Variants in GTF3C6 observed in about 807,000 individuals in gnomAD.
GTF3C6 encodes the protein general transcription factor IIIC subunit 6.
A neutral mutation model predicts 19.2 loss-of-function variants in GTF3C6; 11 were observed. That is an observed-to-expected ratio of 0.57 (90% CI 0.36 to 0.95). The LOEUF (loss-of-function observed/expected upper bound fraction) is 0.95. Ranked by LOEUF, GTF3C6 falls within the 40% of genes least tolerant of loss-of-function variation. The pLI is 0.01. For synonymous variants in GTF3C6, 87 were observed against 84.2 expected (o/e 1.03, Z -0.18); for missense variants, 222 against 254.7 (o/e 0.87, Z 0.87).
chr6:110,963,753 G>C (rs565823231), intron 5 of GTF3C6, among the ~76,000 whole-genome samples: 3 of 149,944 alleles, frequency 2.0e-5, no homozygotes, highest in Admixed American at 2.0e-4. Flanking sequence ...TCAGGCTGGA[G>C]TACAGTGGAG....
chr6:110,964,827 T>C (rs1252372174), intron 5 of GTF3C6, among the ~76,000 whole-genome samples: 2 of 134,122 alleles, frequency 1.5e-5, no homozygotes, highest in Non-Finnish European at 3.1e-5. Flanking sequence ...AGAGACGGAG[T>C]TTTTTTTCTT....
intron 5 of GTF3C6, among the ~76,000 whole-genome samples, chr6:110,967,293 A>G (rs1446782012): frequency 6.6e-6 from 1 of 152,184 alleles, no homozygotes; most frequent in Non-Finnish European, 1.5e-5. Flanking sequence ...TTGGTAACGT[A>G]GTGATTTTGA....
intron 5 of GTF3C6, among the ~76,000 whole-genome samples, chr6:110,963,265 C>T (rs1016161968): frequency 6.6e-6 from 1 of 152,016 alleles, no homozygotes; most frequent in African/African-American, 2.4e-5. Context: ...ATCTAAAGTA[C>T]CAAGCAGAGT....
At chr6:110,965,949 T>C (rs1389388664) in intron 5 of GTF3C6, among the ~76,000 whole-genome samples, 1 of 152,204 alleles carries the variant, frequency 6.6e-6, no homozygotes, top group Admixed American at 6.5e-5. Context: ...CAAAATGTTA[T>C]CTAGGCTGCA....
rs202163377 is a variant in GTF3C6, at chr6:110,958,873, C to G, written c.57+47C>G. 1.1e-4 allele frequency: 173 copies of G among 1,531,216 alleles called. 1 individual carries two copies. In the East Asian group the frequency reaches 3.7e-3, roughly 33 times the overall value. 94.9% of individuals were successfully genotyped at this position (1,531,216 alleles called of 1,614,324 possible). Reference sequence around the variant, plus strand: ...GCCTGCACCGCAGTGGCGGTGATGCCTGTGCTGGCTGTGTGTGGGGAAGGG... The same window carrying G: ...GCCTGCACCGCAGTGGCGGTGATGCGTGTGCTGGCTGTGTGTGGGGAAGGG... On this transcript the variant is annotated intron_variant, in intron 1 of 5. Coordinates refer to ENST00000329970, the MANE Select transcript of GTF3C6 (RefSeq NM_138408.4).
chr6:110,961,411 A>T (rs1426806163), intron 4 of GTF3C6, among the ~76,000 whole-genome samples: 3 of 152,256 alleles, frequency 2.0e-5, no homozygotes, highest in East Asian at 3.9e-4. Context: ...TCGGCCTCTC[A>T]AAGTGCTGGG....
chr6:110,961,197 CTGGAGTGCAG>C (rs1239661237), intron 4 of GTF3C6, among the ~76,000 whole-genome samples: 6 of 150,866 alleles, frequency 4.0e-5, no homozygotes, highest in Admixed American at 1.3e-4. Flanking sequence ...GTCACCCAGG[CTGGAGTGCAG>C]TGGTGCAATC....
At chr6:110,967,385 C>T (rs768641137) in intron 5 of GTF3C6, 125 bp from the exon 6 acceptor site, 148 of 821,798 alleles carry the variant, frequency 1.8e-4, no homozygotes, top group Non-Finnish European at 2.5e-4. Context: ...CACCATATTC[C>T]TTGGTTTATG....
At chr6:110,964,835 CTTT>C (rs34290194) in intron 5 of GTF3C6, among the ~76,000 whole-genome samples, 4 of 133,294 alleles carry the variant, frequency 3.0e-5, no homozygotes, top group East Asian at 2.2e-4. Flanking sequence ...AGTTTTTTTT[CTTT>C]TTTTTTTTTT....
intron 1 of GTF3C6, 64 bp downstream of exon 1, chr6:110,958,890 G>T (rs1583245656): frequency 9.3e-6 from 14 of 1,508,056 alleles, no homozygotes; most frequent in East Asian, 2.5e-5. Flanking sequence ...GGCTGTGTGT[G>T]GGGAAGGGAG....
chr6:110,960,515 TG>T (rs1771146602), intron 3 of GTF3C6, 38 bp downstream of exon 3: 1 of 1,610,418 alleles, frequency 6.2e-7, no homozygotes, highest in East Asian at 2.2e-5. Context: ...CTTTCTGATA[TG>T]GGCTTTTCAG....
chr6:110,962,671 C>A (rs200171535), intron 5 of GTF3C6, among the ~76,000 whole-genome samples, 166 bp downstream of exon 5: 1 of 152,196 alleles, frequency 6.6e-6, no homozygotes, highest in Non-Finnish European at 1.5e-5. Context: ...GGCACAATCT[C>A]GGCTCACTGC....
At chr6:110,960,360 T>C (rs772538348) in intron 2 of GTF3C6, 54 bp from the exon 3 acceptor site, 1 of 1,479,440 alleles carries the variant, frequency 6.8e-7, no homozygotes, top group Non-Finnish European at 9.2e-7. Flanking sequence ...GGTTACAATG[T>C]TGAAGCCTTT....
At chr6:110,959,283 T>C in intron 2 of GTF3C6, 31 bp downstream of exon 2, 1 of 1,287,948 alleles carries the variant, frequency 7.8e-7, no homozygotes, top group African/African-American at 1.5e-5. Context: ...GGGATTGTTC[T>C]AGAGTGTCTT....
intron 1 of GTF3C6, 89 bp from the exon 2 acceptor site, chr6:110,959,083 C>T (rs1771124257): frequency 1.9e-6 from 2 of 1,032,904 alleles, no homozygotes; most frequent in Admixed American, 1.8e-5. Flanking sequence ...GTCCGGTTTT[C>T]ACAAATGTGG....
chr6:110,966,878 G>A (rs2114261644), intron 5 of GTF3C6, among the ~76,000 whole-genome samples: 1 of 152,304 alleles, frequency 6.6e-6, no homozygotes, highest in South Asian at 2.1e-4. Flanking sequence ...CTAATAACCA[G>A]GCGCAGTGGG....
chr6:110,959,141 C>T, intron 1 of GTF3C6, 31 bp from the exon 2 acceptor site: 5 of 1,500,502 alleles, frequency 3.3e-6, no homozygotes, highest in Non-Finnish European at 4.6e-6. Flanking sequence ...CGCTCGCGTG[C>T]TAGCATGTTA....
chr6:110,959,928 G>C (rs1163772844), intron 2 of GTF3C6, among the ~76,000 whole-genome samples: 1 of 151,734 alleles, frequency 6.6e-6, no homozygotes, highest in Non-Finnish European at 1.5e-5. Flanking sequence ...CTGTACTCCA[G>C]CCTGGGCAAC....
Position 110,958,721 on chromosome 6 carries a change from G to A in GTF3C6, c.-49G>A. The A allele has an allele frequency of 6.5e-7, 1 of 1,545,452 alleles. No homozygotes were observed. The highest frequency in any genetic ancestry group is 2.0e-5 in the Admixed American group (1 of 50,966). ...GCTGAAGCCCGTACTCAAGATGGCG[G>A]CTCCGGGCGGGCGTGGCCAGTGACT... On this transcript the variant is annotated 5_prime_UTR_variant, in exon 1 of 6. Coordinates refer to ENST00000329970, the MANE Select transcript of GTF3C6 (RefSeq NM_138408.4).
Sources: gnomAD v4.1 joint callset for allele counts (sites outside exome capture counted in the v4.1 genomes callset) on GRCh38, gnomAD v4.1.1 for gene constraint, MANE v1.5 for transcripts, NCBI Gene and HGNC (gene_info 2026-07-23, HGNC 2026-07-21) for gene names.